The following TULP2 variants were observed in gnomAD, a reference collection of about 807,000 sequenced individuals.
The protein encoded by TULP2 is TUB like protein 2, also known as tubby-related protein 2.
In TULP2, 64 loss-of-function variants were observed where a neutral mutation model predicts 60.3. That is an observed-to-expected ratio of 1.06 (90% CI 0.87 to 1.31). The LOEUF (loss-of-function observed/expected upper bound fraction) is 1.31. Among genes scored for constraint, TULP2 ranks in the 50% most tolerant of loss-of-function variants. TULP2 has a pLI of 0.00. For synonymous variants in TULP2, 267 were observed against 265.4 expected (o/e 1.01, Z -0.06); for missense variants, 652 against 667.0 (o/e 0.98, Z 0.25).
chr19:48,881,251 C>G, intron 12 of TULP2, 125 bp from the exon 13 acceptor site: 1 of 625,036 alleles, frequency 1.6e-6, no homozygotes, highest in Non-Finnish European at 2.6e-6. Flanking sequence ...GCTCTGTCGC[C>G]CAGGCTGGAG....
At chr19:48,881,680 C>T (rs2037133996) in intron 12 of TULP2, among the ~76,000 whole-genome samples, 4 of 151,886 alleles carry the variant, frequency 2.6e-5, no homozygotes, top group Admixed American at 2.6e-4. Context: ...CAGTGCCCGG[C>T]CTAATTTTTG....
At chr19:48,892,916 C>T (rs1036928530) in intron 6 of TULP2, among the ~76,000 whole-genome samples, 15 of 149,050 alleles carry the variant, frequency 1.0e-4, no homozygotes, top group African/African-American at 3.7e-4. Context: ...CAGAGTGAGA[C>T]TCCGTCTCAA....
chr19:48,884,108 A>G, intron 9 of TULP2, 62 bp from the exon 10 acceptor site: 1 of 1,346,454 alleles, frequency 7.4e-7, no homozygotes, highest in Non-Finnish European at 1.1e-6. Flanking sequence ...AGTAAGTGTC[A>G]CTCATCGCAT....
chr19:48,889,048 C>T (rs1040065917), intron 7 of TULP2, among the ~76,000 whole-genome samples: 1 of 145,286 alleles, frequency 6.9e-6, no homozygotes, highest in South Asian at 2.2e-4. Flanking sequence ...GCAATCTCAG[C>T]TCACTGCAAC....
In TULP2 at chr19:48,895,057, G is replaced by C. The variant is rs747424197; in HGVS notation, c.455C>G (p.Pro152Arg). ...VSVENGSVSP[P>R]PFKQSPRIRR... ...GATTCTCGGAGACTGTTTAAAAGGTGGGGGAGAGACGGAACCATTCTCCAC... is the reference window on the plus strand; with the variant it reads ...GATTCTCGGAGACTGTTTAAAAGGTCGGGGAGAGACGGAACCATTCTCCAC... Residue 152 changes from proline to arginine, a missense_variant, in exon 6 of 13, where the codon CCA becomes CGA. Coordinates refer to ENST00000221399, the MANE Select transcript of TULP2 (RefSeq NM_003323.3). 35 of 1,614,030 alleles carry C rather than the reference G, an allele frequency of 2.2e-5. No individual in the cohort carries two copies. Among genetic ancestry groups the C allele is most frequent in the Middle Eastern group, 1.6e-4 (1 of 6,078 alleles).
At chr19:48,896,734 G>T in intron 3 of TULP2, 178 bp from the exon 4 acceptor site, 1 of 703,752 alleles carries the variant, frequency 1.4e-6, no homozygotes, top group Non-Finnish European at 2.2e-6. Context: ...TCCACCGTTG[G>T]ACTCAGATCC....
In TULP2 at chr19:48,897,707, C is replaced by T; in HGVS notation, c.32+130G>A. 1 of 1,034,256 alleles carries T rather than the reference C, an allele frequency of 9.7e-7. No homozygotes were observed. Among genetic ancestry groups the T allele is most frequent in the South Asian group, 1.3e-5 (1 of 78,184 alleles). The allele number at this position is 1,034,256 out of a possible 1,614,324, so 64.1% of individuals were successfully genotyped here. On this transcript the variant is annotated intron_variant, in intron 2 of 12. Transcript: ENST00000221399. The surrounding 1 kb of genome is among the most constrained non-coding windows in gnomAD (Gnocchi z 4.0). ...CCCATCCCTTCAGGACACAGGAGTC[C>T]AGGTCCCCAGCCCCTTCCTGCAAGG...
chr19:48,893,455 C>T (rs973375703), intron 6 of TULP2, among the ~76,000 whole-genome samples: 3 of 151,542 alleles, frequency 2.0e-5, no homozygotes, highest in African/African-American at 7.3e-5. Context: ...GTGAAATGTA[C>T]AGAATAGCCA....
chr19:48,883,030 T>G (rs933098264), intron 11 of TULP2, among the ~76,000 whole-genome samples: 1 of 152,040 alleles, frequency 6.6e-6, no homozygotes, highest in Non-Finnish European at 1.5e-5. Flanking sequence ...CCATCCTGAC[T>G]AACACAGTGA....
At chr19:48,881,569 G>A (rs1410483424) in intron 12 of TULP2, among the ~76,000 whole-genome samples, 3 of 151,914 alleles carry the variant, frequency 2.0e-5, no homozygotes, top group African/African-American at 7.2e-5. Flanking sequence ...GTTTTTAGTA[G>A]AGACGGGGTT....
At chr19:48,888,334 C>T (rs2037202883) in intron 7 of TULP2, 73 bp from the exon 8 acceptor site, 2 of 1,469,326 alleles carry the variant, frequency 1.4e-6, no homozygotes, top group African/African-American at 1.4e-5. Context: ...ATTGACCATC[C>T]CAGCCCTAGG....
At position 48,896,526 on chromosome 19, in the gene TULP2, T is replaced by C; in HGVS notation, c.115A>G (p.Lys39Glu). ...TGAACCATGAGGAGCTCCTGGCGCT[T>C]CTGTCGCTGCTTCTTTTCAAACAGC... ...RRLFEKKQRQKRQELLMVQAN... is the reference protein window; with the variant it reads ...RRLFEKKQRQERQELLMVQAN... Residue 39 changes from lysine to glutamate, a missense_variant, in exon 4 of 13, where the codon AAG becomes GAG. By Grantham distance (56) the Lys-to-Glu change is moderately conservative (BLOSUM62 1). Coordinates refer to ENST00000221399, the MANE Select transcript of TULP2 (RefSeq NM_003323.3). The C allele has an allele frequency of 6.2e-7, 1 of 1,604,376 alleles. No individual in the cohort carries two copies. The highest frequency in any genetic ancestry group is 8.5e-7 in the Non-Finnish European group (1 of 1,175,558).
In TULP2 at chr19:48,882,066, C is replaced by G. The variant is rs769061792; in HGVS notation, c.1413G>C (p.Ser471=). 4.7e-5 allele frequency: 76 copies of G among 1,614,166 alleles called. No homozygotes were observed. In the South Asian group the frequency reaches 6.6e-4, roughly 14 times the overall value. The change falls in exon 12 of 13, where the codon TCG becomes TCC. Residue 471 remains serine (S), a synonymous_variant. Coordinates refer to ENST00000221399, the MANE Select transcript of TULP2 (RefSeq NM_003323.3). ...LNFHGRVTRA[S]VKNFQIVDPK... ...GATCCACGATTTGGAAGTTCTTCAC[C>G]GAAGCCCGAGTGACTCGACCATGGA...
At chr19:48,886,507 C>T (rs1192692411) in intron 8 of TULP2, among the ~76,000 whole-genome samples, 3 of 151,880 alleles carry the variant, frequency 2.0e-5, no homozygotes, top group Non-Finnish European at 2.9e-5. Flanking sequence ...CTTTGGTAGG[C>T]GTTTCACCAA....
intron 11 of TULP2, among the ~76,000 whole-genome samples, chr19:48,883,142 C>T (rs549712275): frequency 6.6e-6 from 1 of 150,784 alleles, no homozygotes; most frequent in Non-Finnish European, 1.5e-5. Context: ...TGGCGTGAGC[C>T]GGGGAGGTCG....
At chr19:48,883,667 C>A (rs1057305127) in intron 11 of TULP2, 87 bp downstream of exon 11, 44 of 1,478,902 alleles carry the variant, frequency 3.0e-5, no homozygotes, top group Non-Finnish European at 4.1e-5. Flanking sequence ...CCTCTTCCTC[C>A]TCTTCTTCTT....
rs1352492217 is a variant in TULP2 at position 48,882,083 on chromosome 19, G to A, written c.1396C>T (p.Arg466Ter). 5 of 1,614,180 alleles carry A rather than the reference G, an allele frequency of 3.1e-6. No homozygotes were observed. The highest frequency in any genetic ancestry group is 4.5e-5 in the East Asian group (2 of 44,880). The change falls in exon 12 of 13, where the codon CGA becomes TGA. Residue 466 changes from arginine to a stop codon, truncating the protein, a stop_gained. Coordinates refer to ENST00000221399, the MANE Select transcript of TULP2 (RefSeq NM_003323.3). LOFTEE classifies it high-confidence loss of function. ...TTCTTCACCGAAGCCCGAGTGACTC[G>A]ACCATGGAAATTGAGCGTGTAGACA... Reference protein sequence around the residue: ...NGVYTLNFHGRVTRASVKNFQ... With the variant: ...NGVYTLNFHG
At chr19:48,895,201 C>A in intron 5 of TULP2, 39 bp from the exon 6 acceptor site, 1 of 1,603,998 alleles carries the variant, frequency 6.2e-7, no homozygotes, top group Non-Finnish European at 8.5e-7. Context: ...TTTCTGGATG[C>A]TGCAGGAGGA....
Position 48,897,783 on chromosome 19 carries a change from C to G in TULP2, c.32+54G>C. ...GGTTATGAAGCCAGAGCCGAGTGCA[C>G]GGGGTCCCCAGCCCTTTCCACCTCC... is the stretch of plus-strand genomic sequence containing the variant. On this transcript the variant is annotated intron_variant, in intron 2 of 12. Transcript: ENST00000221399. This position sits in a 1 kb window ranked among gnomAD's most constrained non-coding sequence, Gnocchi z 4.0. 2.5e-6 allele frequency: 4 copies of G among 1,592,662 alleles called. No individual in the cohort carries two copies. The highest frequency in any genetic ancestry group is 3.4e-6 in the Non-Finnish European group (4 of 1,161,422).
Sources: gnomAD v4.1 joint callset for allele counts (sites outside exome capture counted in the v4.1 genomes callset) on GRCh38, gnomAD v4.1.1 for gene constraint, Gnocchi (gnomAD v3.1) non-coding constraint, MANE v1.5 for transcripts, NCBI Gene and HGNC (gene_info 2026-07-23, HGNC 2026-07-21) for gene names.